The following GK5 variants were observed in gnomAD, a reference collection of about 807,000 sequenced individuals.
GK5 encodes the protein ATP:glycerol 3-phosphotransferase 5.
GK5 carries 39 observed loss-of-function variants against 77.3 expected under a neutral mutation model. The ratio of observed to expected loss-of-function variants is 0.50; its 90% CI spans 0.39 to 0.66. The LOEUF is 0.66. Ranked by LOEUF, GK5 falls within the 30% of genes least tolerant of loss-of-function variation. The probability of loss-of-function intolerance (pLI) is 0.00; values close to 1 mark genes in which losing one functional copy is unlikely to be tolerated. For synonymous variants in GK5, 211 were observed against 208.0 expected (o/e 1.01, Z -0.13); for missense variants, 487 against 633.8 (o/e 0.77, Z 2.49).
chr3:142,180,717 G>A (rs894386165), intron 11 of GK5, among the ~76,000 whole-genome samples: 1 of 151,994 alleles, frequency 6.6e-6, no homozygotes, highest in African/African-American at 2.4e-5. Flanking sequence ...AGAAGTAGTA[G>A]CAGCTGTTCA....
intron 1 of GK5, among the ~76,000 whole-genome samples, chr3:142,216,617 G>A (rs575068552): frequency 7.2e-4 from 110 of 152,112 alleles, no homozygotes; most frequent in Non-Finnish European, 1.2e-3. Context: ...CTTTTTGGCC[G>A]GGGACCACCA....
intron 12 of GK5, among the ~76,000 whole-genome samples, chr3:142,173,839 C>T (rs1340664950): frequency 6.6e-6 from 1 of 152,180 alleles, no homozygotes; most frequent in Non-Finnish European, 1.5e-5. Context: ...CCAGCGCTGT[C>T]AGGAAATTAT....
In GK5 at chr3:142,198,920, G is replaced by A. The variant is rs1577134298; in HGVS notation, c.425C>T (p.Ser142Phe). The change falls in exon 5 of 16, where the codon TCT (serine) becomes TTT (phenylalanine). Residue 142 changes from serine to phenylalanine, a missense_variant. By Grantham distance (155) the Ser-to-Phe change is radical. This residue lies in a region of GK5 where 323 missense variants were observed against 437.4 expected (regional missense o/e 0.74). Coordinates refer to ENST00000392993, the MANE Select transcript of GK5 (RefSeq NM_001039547.3). The part of the protein sequence containing the change: ...NSLLMKIFHS[S>F]CRVLHFFTRS... The stretch of plus-strand genomic sequence containing the variant: ...AGTGAAAAAGTGAAGCACTCGGCAA[G>A]AACTGTGAAATATCTATATTTTAAA... 1 of 1,608,894 alleles carries A rather than the reference G, an allele frequency of 6.2e-7. No individual in the cohort carries two copies. Among genetic ancestry groups the A allele is most frequent in the East Asian group, 2.2e-5 (1 of 44,772 alleles).
intron 4 of GK5, among the ~76,000 whole-genome samples, chr3:142,200,980 C>T (rs2064012583): frequency 1.3e-5 from 2 of 152,100 alleles, no homozygotes; most frequent in Non-Finnish European, 2.9e-5. Context: ...ATTTAACATG[C>T]TACTAAGAAA....
At chr3:142,206,913 A>G (rs972372363) in intron 3 of GK5, among the ~76,000 whole-genome samples, 1 of 152,226 alleles carries the variant, frequency 6.6e-6, no homozygotes, top group Non-Finnish European at 1.5e-5. Context: ...TATGATTGCT[A>G]CGGTTCATTT....
intron 1 of GK5, among the ~76,000 whole-genome samples, chr3:142,223,823 G>C (rs1364678924): frequency 6.6e-6 from 1 of 152,200 alleles, no homozygotes; most frequent in African/African-American, 2.4e-5. Flanking sequence ...GGGTGACAGA[G>C]CGAGACTCCG....
intron 3 of GK5, 64 bp from the exon 4 acceptor site, chr3:142,204,852 C>CA (rs1343621868): frequency 2.2e-6 from 2 of 930,148 alleles, no homozygotes; most frequent in Admixed American, 4.6e-5. Flanking sequence ...AAAGATGTGC[C>CA]ATAAGAGAAA....
chr3:142,197,239 C>T (rs2063948146), intron 5 of GK5, among the ~76,000 whole-genome samples: 1 of 152,002 alleles, frequency 6.6e-6, no homozygotes, highest in Admixed American at 6.6e-5. Flanking sequence ...CCAACTATCA[C>T]TGCTCAACTT....
intron 4 of GK5, 134 bp from the exon 5 acceptor site, chr3:142,199,067 G>A: frequency 1.7e-6 from 1 of 574,592 alleles, no homozygotes. Context: ...CTGCAATTAA[G>A]AAAATAAAAA....
At chr3:142,218,450 G>A (rs530194014) in intron 1 of GK5, among the ~76,000 whole-genome samples, 3 of 149,794 alleles carry the variant, frequency 2.0e-5, no homozygotes, top group Admixed American at 2.0e-4. Context: ...GCTGAGGCAG[G>A]AGAATTGCTT....
chr3:142,190,941 A>G (rs544143116), intron 5 of GK5, among the ~76,000 whole-genome samples: 2 of 152,372 alleles, frequency 1.3e-5, no homozygotes, highest in South Asian at 2.1e-4. Context: ...AAGCTATTAG[A>G]TAAGTTACTA....
chr3:142,168,716 T>C (rs925160664), intron 15 of GK5, among the ~76,000 whole-genome samples: 2 of 150,830 alleles, frequency 1.3e-5, no homozygotes, highest in Admixed American at 1.3e-4. Context: ...CAGATCTTTC[T>C]ATGGTCCCCA....
At chr3:142,208,196 T>G (rs1386682764) in intron 3 of GK5, among the ~76,000 whole-genome samples, 1 of 152,242 alleles carries the variant, frequency 6.6e-6, no homozygotes, top group African/African-American at 2.4e-5. Flanking sequence ...TATAATTAAA[T>G]TTAGGGTAAT....
intron 3 of GK5, among the ~76,000 whole-genome samples, chr3:142,209,133 A>G (rs1366194510): frequency 3.3e-5 from 5 of 151,294 alleles, no homozygotes; most frequent in Non-Finnish European, 5.9e-5. Flanking sequence ...TGGGCAAAAG[A>G]GTGAGACTCC....
At chr3:142,219,172 T>C (rs2064311350) in intron 1 of GK5, among the ~76,000 whole-genome samples, 1 of 152,210 alleles carries the variant, frequency 6.6e-6, no homozygotes. Flanking sequence ...TCACTTACCA[T>C]ATAACCTAGC....
chr3:142,186,435 G>GAA lies in GK5; in HGVS notation c.681+15_681+16dup. 1 of 1,437,768 alleles carries GAA rather than the reference G, an allele frequency of 7.0e-7. No homozygotes were observed. Among genetic ancestry groups the GAA allele is most frequent in the Non-Finnish European group, 9.4e-7 (1 of 1,061,052 alleles). The allele number at this position is 1,437,768 out of a possible 1,614,324, so 89.1% of individuals were successfully genotyped here. Reference sequence around the variant, plus strand: ...ACAAAAATGTGTGATTCAAAAAGAAGAAAAAAAAATTTTTACCTTATATGG... The same window carrying GAA: ...ACAAAAATGTGTGATTCAAAAAGAAGAAAAAAAAAAATTTTTACCTTATATGG... On this transcript the variant is annotated intron_variant, in intron 7 of 15. Transcript: ENST00000392993.
rs1451972270 is a variant in GK5, at chr3:142,166,327, A to C, written c.1442-557T>G. Among the ~76,000 whole-genome samples, 4 of 152,198 alleles carry C rather than the reference A, an allele frequency of 2.6e-5. No homozygotes were observed. The East Asian group carries it at 7.7e-4, about 29-fold the overall frequency. ...TTATGCAATTACAATAAATGAAGACAAATTAAGATTTTTGTCTTACAGCTT... is the reference window on the plus strand; with the variant it reads ...TTATGCAATTACAATAAATGAAGACCAATTAAGATTTTTGTCTTACAGCTT... On this transcript the variant is annotated intron_variant, in intron 15 of 15. Transcript: ENST00000392993.
At chr3:142,219,600 A>G (rs1258941485) in intron 1 of GK5, among the ~76,000 whole-genome samples, 2 of 152,240 alleles carry the variant, frequency 1.3e-5, no homozygotes, top group Non-Finnish European at 2.9e-5. Flanking sequence ...AAAGTAACAC[A>G]AGGGAGCTTG....
At chr3:142,187,600 A>C in intron 6 of GK5, 104 bp downstream of exon 6, 1 of 770,328 alleles carries the variant, frequency 1.3e-6, no homozygotes, top group Non-Finnish European at 2.1e-6. Flanking sequence ...GCGAGACCCT[A>C]GCTCAAAAAA....
Sources: allele counts gnomAD v4.1 joint callset (sites outside exome capture counted in the v4.1 genomes callset), GRCh38; gene constraint gnomAD v4.1.1; regional missense constraint gnomAD v4.1.1; transcripts MANE v1.5; gene names NCBI Gene and HGNC (gene_info 2026-07-23, HGNC 2026-07-21).